Variants in KALRN observed in about 807,000 individuals in gnomAD.
The protein encoded by KALRN is kalirin.
KALRN carries 70 observed loss-of-function variants against 353.7 expected under a neutral mutation model. That is an observed-to-expected ratio of 0.20 (90% confidence interval 0.16 to 0.24). The LOEUF is 0.24. Among genes scored for constraint, KALRN ranks in the 10% least tolerant of loss-of-function variants. The probability of loss-of-function intolerance (pLI) is 1.00; values close to 1 mark genes in which losing one functional copy is unlikely to be tolerated. For missense variants in KALRN, 2,791 were observed against 3,756.7 expected, an observed-to-expected ratio of 0.74 and a Z score of 6.72; for synonymous variants, 1,391 against 1,434.8, an observed-to-expected ratio of 0.97 and a Z score of 0.69.
chr3:124,134,724 T>C (rs375736583), intron 1 of KALRN, among the ~76,000 whole-genome samples: 144 of 152,128 alleles, frequency 9.5e-4, no homozygotes, highest in African/African-American at 3.2e-3. Flanking sequence ...AGGACATGAA[T>C]AGACGATTCT....
intron 17 of KALRN, among the ~76,000 whole-genome samples, chr3:124,435,027 T>A (rs2093413931): frequency 1.3e-5 from 2 of 152,168 alleles, no homozygotes. Context: ...ACATTTATAG[T>A]TAAAGGCAGG....
At chr3:124,123,396 C>A (rs1229336177) in intron 1 of KALRN, among the ~76,000 whole-genome samples, 1 of 152,172 alleles carries the variant, frequency 6.6e-6, no homozygotes, top group Non-Finnish European at 1.5e-5. Context: ...AACAACATTC[C>A]TTTAAACCAA....
chr3:124,070,829 T>C (rs533479189), intron 1 of KALRN, among the ~76,000 whole-genome samples: 5 of 152,356 alleles, frequency 3.3e-5, no homozygotes, highest in African/African-American at 1.2e-4. Flanking sequence ...GGCATTGTTG[T>C]GGGCCTGTCC....
At chr3:124,164,590 A>T (rs1166843804) in intron 1 of KALRN, 2 of 152,216 alleles carry the variant, frequency 1.3e-5, no homozygotes, top group Non-Finnish European at 2.9e-5. Context: ...AAATCTATGG[A>T]AATATCAAAA....
At chr3:124,559,918 G>A (rs573653675) in intron 33 of KALRN, among the ~76,000 whole-genome samples, 99 of 152,340 alleles carry the variant, frequency 6.5e-4, no homozygotes, top group African/African-American at 2.2e-3. Flanking sequence ...TGTATCTAAA[G>A]CTTGAGCCCG....
chr3:124,217,682 A>G (rs1406817015), intron 1 of KALRN, among the ~76,000 whole-genome samples: 1 of 152,146 alleles, frequency 6.6e-6, no homozygotes, highest in Non-Finnish European at 1.5e-5. Context: ...CAGCATGGAC[A>G]GCAGCCACTC....
At chr3:124,038,593 C>T (rs570481924) in intron 1 of KALRN, among the ~76,000 whole-genome samples, 2 of 152,174 alleles carry the variant, frequency 1.3e-5, no homozygotes, top group African/African-American at 2.4e-5. Context: ...AAACCTTTTT[C>T]TTTAAGGTGC....
chr3:124,576,512 G>C (rs1017015197), intron 34 of KALRN, among the ~76,000 whole-genome samples: 23 of 152,310 alleles, frequency 1.5e-4, no homozygotes, highest in African/African-American at 4.1e-4. Context: ...CTGATGCTAG[G>C]AGTCCTGATT....
intron 38 of KALRN, among the ~76,000 whole-genome samples, chr3:124,654,149 C>G (rs2083723881): frequency 6.6e-6 from 1 of 152,240 alleles, no homozygotes; most frequent in South Asian, 2.1e-4. Context: ...TCTTTTGCCA[C>G]TTTCTACCAG....
At chr3:124,132,579 C>A (rs1386647207) in intron 1 of KALRN, among the ~76,000 whole-genome samples, 1 of 152,128 alleles carries the variant, frequency 6.6e-6, no homozygotes, top group African/African-American at 2.4e-5. Flanking sequence ...CAGAGATCTT[C>A]TTTTACACAC....
chr3:124,109,772 A>G (rs1162843293), intron 1 of KALRN, among the ~76,000 whole-genome samples: 2 of 94,162 alleles, frequency 2.1e-5, no homozygotes, highest in Non-Finnish European at 4.1e-5. Context: ...TGATATATAT[A>G]TGACATATAT....
intron 1 of KALRN, among the ~76,000 whole-genome samples, chr3:124,199,238 G>A (rs1252322950): frequency 6.6e-6 from 1 of 152,116 alleles, no homozygotes; most frequent in Non-Finnish European, 1.5e-5. Context: ...TGCTTTATTT[G>A]CACCAAGAAT....
chr3:124,274,996 C>T (rs754767092), intron 5 of KALRN, among the ~76,000 whole-genome samples: 1 of 152,184 alleles, frequency 6.6e-6, no homozygotes, highest in Non-Finnish European at 1.5e-5. Context: ...ACATTAGGCA[C>T]ATCTTTAACT....
chr3:124,138,957 A>G (rs1029277750), intron 1 of KALRN, among the ~76,000 whole-genome samples: 3 of 152,312 alleles, frequency 2.0e-5, no homozygotes, highest in African/African-American at 7.2e-5. Context: ...ATCATGGCGC[A>G]TATAATACAG....
chr3:124,365,180 T>C (rs1437675396), intron 10 of KALRN, among the ~76,000 whole-genome samples: 1 of 152,182 alleles, frequency 6.6e-6, no homozygotes, highest in Non-Finnish European at 1.5e-5. Flanking sequence ...TCAATTTTTG[T>C]TTTTATTGAT....
At chr3:124,082,940 C>T (rs1044124781) in intron 1 of KALRN, among the ~76,000 whole-genome samples, 1 of 152,238 alleles carries the variant, frequency 6.6e-6, no homozygotes, top group Non-Finnish European at 1.5e-5. Context: ...CCTAGGTAAA[C>T]CTGTATTCCT....
At chr3:124,366,886 ACCCCCCCACCTCCCTCCCGGATGGG>A (rs2084822814) in intron 10 of KALRN, among the ~76,000 whole-genome samples, 30 of 111,346 alleles carry the variant, frequency 2.7e-4, no homozygotes, top group Middle Eastern at 5.5e-3. Context: ...CGGGGGGCTG[ACCCCCCCACCTCCCTCCCGGATGGG>A]GTGGCTGGCC....
chr3:124,437,734 A>T (rs2093528936), intron 17 of KALRN, among the ~76,000 whole-genome samples: 1 of 151,132 alleles, frequency 6.6e-6, no homozygotes, highest in Non-Finnish European at 1.5e-5. Flanking sequence ...TCATCAAAAG[A>T]CTTTCTCAGA....
intron 1 of KALRN, among the ~76,000 whole-genome samples, chr3:124,201,153 G>A (rs1026154340): frequency 3.9e-5 from 6 of 152,212 alleles, no homozygotes; most frequent in Non-Finnish European, 7.3e-5. Context: ...AAGAGACAAA[G>A]GCCACGTATA....
Sources: allele counts gnomAD v4.1 joint callset (sites outside exome capture counted in the v4.1 genomes callset), GRCh38; gene constraint gnomAD v4.1.1; transcripts MANE v1.5; gene names NCBI Gene and HGNC (gene_info 2026-07-23, HGNC 2026-07-21).